MYLK: variants seen among roughly 807,000 people sequenced by gnomAD.
MYLK encodes myosin light chain kinase, also known as myosin light chain kinase, smooth muscle.
MYLK carries 106 observed loss-of-function variants against 203.4 expected under a neutral mutation model. The observed-to-expected ratio is 0.52, with a 90% CI of 0.45 to 0.61. MYLK has a LOEUF of 0.61. MYLK is among the 20% of genes least tolerant of loss of function. MYLK has a pLI of 0.00. For synonymous variants in MYLK, 867 were observed against 959.5 expected, an observed-to-expected ratio of 0.90 and a Z score of 1.78; for missense variants, 2,072 against 2,442.3, an observed-to-expected ratio of 0.85 and a Z score of 3.20.
intron 2 of MYLK, among the ~76,000 whole-genome samples, chr3:123,847,472 G>C (rs1346707466): frequency 2.6e-5 from 4 of 152,026 alleles, no homozygotes; most frequent in African/African-American, 9.7e-5. Context: ...GGGCATTCTT[G>C]TCTTTTTTAT....
intron 4 of MYLK, among the ~76,000 whole-genome samples, chr3:123,769,127 T>A (rs2063795244): frequency 6.6e-6 from 1 of 151,396 alleles, no homozygotes; most frequent in Non-Finnish European, 1.5e-5. Context: ...GACATCACCT[T>A]CCACATTTCT....
At chr3:123,759,538 T>C (rs2063468255) in intron 4 of MYLK, among the ~76,000 whole-genome samples, 1 of 152,264 alleles carries the variant, frequency 6.6e-6, no homozygotes, top group Non-Finnish European at 1.5e-5. Context: ...GTAAGCAGCA[T>C]TCCTCTCCTT....
chr3:123,833,246 G>A (rs1265857599), intron 2 of MYLK, among the ~76,000 whole-genome samples: 1 of 152,116 alleles, frequency 6.6e-6, no homozygotes, highest in Non-Finnish European at 1.5e-5. Context: ...ATAAGGAATG[G>A]TTTCCACATG....
At position 123,613,937 on chromosome 3, in the gene MYLK, C is replaced by T. The variant is rs891473178; in HGVS notation, c.*168G>A. 4.4e-5 allele frequency: 33 copies of T among 749,282 alleles called. No individual in the cohort carries two copies. Among genetic ancestry groups the T allele is most frequent in the Non-Finnish European group, 6.0e-5 (27 of 449,414 alleles). The allele number at this position is 749,282 out of a possible 1,614,324, so 46.4% of individuals were successfully genotyped here. ...AACATAGATTAATGCCCATCAATAA[C>T]GCTGCTAGGTATCAACTGCTGTTTC... On this transcript the variant is annotated 3_prime_UTR_variant, in exon 34 of 34. Transcript: ENST00000360304.
chr3:123,694,646 CCTTGAGT>C (rs2060833593), intron 18 of MYLK, among the ~76,000 whole-genome samples: 1 of 152,230 alleles, frequency 6.6e-6, no homozygotes, highest in Non-Finnish European at 1.5e-5. Context: ...CCCTCAGCTG[CCTTGAGT>C]CTTAAGTCAA....
intron 3 of MYLK, 112 bp from the exon 4 acceptor site, chr3:123,793,956 T>A: frequency 8.4e-7 from 1 of 1,192,168 alleles, no homozygotes; most frequent in Non-Finnish European, 1.2e-6. Flanking sequence ...GTGGAGCAGA[T>A]CCCCAGTTAG....
rs1394403624 is a variant in MYLK at position 123,769,874 on chromosome 3, T to C, written c.166-17336A>G. The stretch of plus-strand genomic sequence containing the variant: ...GTCCCAGGACTTCCTCTTTTGTTTT[T>C]GTTGAACATTTTTATTCCGTTGAAT... On this transcript the variant is annotated intron_variant, in intron 4 of 33. Coordinates refer to ENST00000360304, the MANE Select transcript of MYLK (RefSeq NM_053025.4). Among the ~76,000 whole-genome samples, 4 of 152,338 alleles carry C rather than the reference T, an allele frequency of 2.6e-5. No individual in the cohort carries two copies. In the East Asian group the frequency reaches 7.7e-4, roughly 29 times the overall value.
chr3:123,777,528 G>A (rs1027103274), intron 4 of MYLK, among the ~76,000 whole-genome samples: 12 of 152,196 alleles, frequency 7.9e-5, no homozygotes, highest in African/African-American at 2.2e-4. Context: ...CGAGTCTTGC[G>A]CTCACCCTCT....
chr3:123,793,626 G>A (rs763734776), intron 4 of MYLK, 51 bp downstream of exon 4: 12 of 1,602,150 alleles, frequency 7.5e-6, no homozygotes, highest in Middle Eastern at 1.8e-4. Context: ...AAGGAGCAGC[G>A]GCCCCTGCCC....
At chr3:123,752,771 C>T (rs1396913106) in intron 4 of MYLK, among the ~76,000 whole-genome samples, 2 of 152,144 alleles carry the variant, frequency 1.3e-5, no homozygotes, top group South Asian at 2.1e-4. Flanking sequence ...ATCCACTATG[C>T]AAATGACTCT....
At chr3:123,618,960 A>G (rs1328915587) in intron 32 of MYLK, among the ~76,000 whole-genome samples, 190 bp from the exon 33 acceptor site, 1 of 152,218 alleles carries the variant, frequency 6.6e-6, no homozygotes, top group East Asian at 1.9e-4. Context: ...TTGGCAGAAG[A>G]AGGAACTGTG....
intron 3 of MYLK, among the ~76,000 whole-genome samples, chr3:123,825,380 T>G (rs2066081243): frequency 6.6e-6 from 1 of 152,126 alleles, no homozygotes; most frequent in Non-Finnish European, 1.5e-5. Context: ...CTGCCAAGAT[T>G]GTCTGGAGTC....
rs2066330828 is a variant in MYLK at position 123,831,615 on chromosome 3, C to CGGCTGG, written c.-77_-72dup. 3.4e-6 allele frequency: 1 copy of CGGCTGG among 294,434 alleles called. No individual in the cohort carries two copies. The highest frequency in any genetic ancestry group is 6.4e-6 in the Non-Finnish European group (1 of 157,466). The allele number at this position is 294,434 out of a possible 1,614,324, so 18.2% of individuals were successfully genotyped here. ...GACAGGAAAGGCGTCCTGAAGCTCT[C>CGGCTGG]GGCTGGGAAGCTCCTGAAGTTGCTC... On this transcript the variant is annotated 5_prime_UTR_variant, in exon 3 of 34. Coordinates refer to ENST00000360304, the MANE Select transcript of MYLK (RefSeq NM_053025.4).
chr3:123,705,977 C>CTCCCCATTTTGGAGGCAGAGTGGCCT (rs2061447112), intron 16 of MYLK, among the ~76,000 whole-genome samples: 1 of 152,192 alleles, frequency 6.6e-6, no homozygotes, highest in Non-Finnish European at 1.5e-5. Flanking sequence ...CGTGTACCTT[C>CTCCCCATTTTGGAGGCAGAGTGGCCT]TCCCCATTTT....
At chr3:123,822,949 A>T (rs1053738730) in intron 3 of MYLK, among the ~76,000 whole-genome samples, 1 of 152,170 alleles carries the variant, frequency 6.6e-6, no homozygotes, top group Non-Finnish European at 1.5e-5. Context: ...CAGAAGAAAG[A>T]AATCATCCCT....
chr3:123,798,430 C>T (rs2065067808), intron 3 of MYLK, among the ~76,000 whole-genome samples: 1 of 152,152 alleles, frequency 6.6e-6, no homozygotes, highest in Non-Finnish European at 1.5e-5. Context: ...AGACACAAGA[C>T]TCTTCTCTAC....
chr3:123,701,558 G>A, intron 16 of MYLK, 49 bp from the exon 17 acceptor site: 2 of 1,589,798 alleles, frequency 1.3e-6, no homozygotes, highest in Non-Finnish European at 1.7e-6. Context: ...TCTGGGCAAA[G>A]GGCCTGTTCA....
chr3:123,687,612 C>T (rs2060504500), intron 19 of MYLK, among the ~76,000 whole-genome samples: 1 of 151,034 alleles, frequency 6.6e-6, no homozygotes, highest in Non-Finnish European at 1.5e-5. Flanking sequence ...TCCTTCCTAC[C>T]TTCATTCCTT....
intron 4 of MYLK, among the ~76,000 whole-genome samples, chr3:123,774,652 A>C (rs2064002204): frequency 6.6e-6 from 1 of 152,198 alleles, no homozygotes. Context: ...GTCTTTTGGC[A>C]AGATATTTCA....
Sources: gnomAD v4.1 joint callset for allele counts (sites outside exome capture counted in the v4.1 genomes callset) on GRCh38, gnomAD v4.1.1 for gene constraint, MANE v1.5 for transcripts, NCBI Gene and HGNC (gene_info 2026-07-23, HGNC 2026-07-21) for gene names.